The following SRP54 variants were observed in gnomAD, a reference collection of about 807,000 sequenced individuals.
SRP54 encodes the protein signal recognition particle subunit SRP54.
SRP54 carries 10 observed loss-of-function variants against 64.8 expected under a neutral mutation model. That is an observed-to-expected ratio of 0.15 (90% confidence interval 0.10 to 0.26). SRP54 has a LOEUF of 0.26. SRP54 is among the 10% of genes least tolerant of loss of function. SRP54 has a pLI of 1.00. For synonymous variants in SRP54, 193 were observed against 185.6 expected, an observed-to-expected ratio of 1.04 and a Z score of -0.32; for missense variants, 325 against 613.7, an observed-to-expected ratio of 0.53 and a Z score of 4.97.
chr14:35,004,686 A>G (rs914959393), intron 4 of SRP54: 1 of 152,210 alleles, frequency 6.6e-6, no homozygotes, highest in Non-Finnish European at 1.5e-5. Flanking sequence ...ATATGTTCCA[A>G]ATAATGGGTC....
At chr14:35,021,639 A>C (rs2044531861) in intron 13 of SRP54, among the ~76,000 whole-genome samples, 1 of 152,096 alleles carries the variant, frequency 6.6e-6, no homozygotes, top group Non-Finnish European at 1.5e-5. Flanking sequence ...TCTCAAAAAA[A>C]AAAAAGATTT....
intron 10 of SRP54, 43 bp downstream of exon 10, chr14:35,013,945 C>T (rs753446052): frequency 1.8e-5 from 24 of 1,338,494 alleles, no homozygotes; most frequent in Admixed American, 1.1e-4. Flanking sequence ...CCAAGAAATA[C>T]GATGTATCTT....
chr14:35,007,209 A>G, intron 4 of SRP54, 74 bp from the exon 5 acceptor site: 1 of 1,008,350 alleles, frequency 9.9e-7, no homozygotes, highest in South Asian at 1.8e-5. Flanking sequence ...AGGAAAAAAA[A>G]GTTGTGGGGA....
intron 4 of SRP54, among the ~76,000 whole-genome samples, chr14:35,002,508 C>T (rs984959895): frequency 2.6e-5 from 4 of 151,728 alleles, no homozygotes; most frequent in Non-Finnish European, 5.9e-5. Context: ...TCTCTGCTCA[C>T]TGCAACCTCT....
chr14:35,016,840 C>CTTTCTTTTTTTTTT (rs2044447775), intron 11 of SRP54, among the ~76,000 whole-genome samples: 2 of 71,616 alleles, frequency 2.8e-5, no homozygotes, highest in Admixed American at 1.5e-4. Context: ...CCTTTTTTTT[C>CTTTCTTTTTTTTTT]TTTTCTTTTT....
intron 14 of SRP54, among the ~76,000 whole-genome samples, chr14:35,023,385 C>T (rs1164550810): frequency 6.6e-6 from 1 of 151,792 alleles, no homozygotes; most frequent in Non-Finnish European, 1.5e-5. Flanking sequence ...ATTACCTTTA[C>T]TCCCCAGAGA....
At chr14:35,001,237 C>T (rs1476357304) in intron 4 of SRP54, among the ~76,000 whole-genome samples, 9 of 149,052 alleles carry the variant, frequency 6.0e-5, no homozygotes, top group Non-Finnish European at 7.4e-5. Context: ...GTGCAACCTC[C>T]GCCTCCCGGG....
intron 8 of SRP54, among the ~76,000 whole-genome samples, chr14:35,012,313 T>C (rs980075530): frequency 1.3e-5 from 2 of 152,212 alleles, no homozygotes; most frequent in African/African-American, 2.4e-5. Flanking sequence ...TTTTAAATAC[T>C]TTAAAAAATA....
chr14:34,997,219 C>T (rs2044085297), intron 2 of SRP54, among the ~76,000 whole-genome samples: 1 of 152,040 alleles, frequency 6.6e-6, no homozygotes, highest in African/African-American at 2.4e-5. Flanking sequence ...GCATTTCCAT[C>T]TTGTCTGTTT....
chr14:35,004,943 T>G (rs2044233384), intron 4 of SRP54, among the ~76,000 whole-genome samples: 1 of 152,216 alleles, frequency 6.6e-6, no homozygotes. Context: ...GATGTAATTT[T>G]TATGGATGGC....
At chr14:35,001,953 T>G (rs961482714) in intron 4 of SRP54, among the ~76,000 whole-genome samples, 3 of 151,444 alleles carry the variant, frequency 2.0e-5, no homozygotes, top group African/African-American at 7.3e-5. Flanking sequence ...GTAATCACAG[T>G]GCTTTGGGAG....
At chr14:35,025,398 T>C (rs2044605502) in intron 14 of SRP54, among the ~76,000 whole-genome samples, 1 of 152,214 alleles carries the variant, frequency 6.6e-6, no homozygotes, top group Non-Finnish European at 1.5e-5. Context: ...ACAAAAAAAT[T>C]AGACAAACAT....
intron 1 of SRP54, among the ~76,000 whole-genome samples, chr14:34,986,603 G>A (rs1311504631): frequency 6.6e-6 from 1 of 152,178 alleles, no homozygotes; most frequent in Admixed American, 6.5e-5. Flanking sequence ...AAAATTGCTG[G>A]TCGTGGTGGC....
At chr14:35,027,587 C>T (rs1347085966) in intron 14 of SRP54, 5 of 152,282 alleles carry the variant, frequency 3.3e-5, no homozygotes, top group Non-Finnish European at 7.3e-5. Flanking sequence ...GAAACCCTGT[C>T]TCTACTAAAA....
At position 34,984,302 on chromosome 14, in the gene SRP54, A is replaced by G. The variant is rs187779459; in HGVS notation, c.-34+1087A>G. Among the ~76,000 whole-genome samples the G allele has an allele frequency of 3.3e-5, 5 of 152,232 alleles. No homozygotes were observed. In the East Asian group the frequency reaches 7.8e-4, roughly 24 times the overall value. On this transcript the variant is annotated intron_variant, in intron 1 of 15. Transcript: ENST00000216774. ...AAAAATTGATTTTCTCCTATGTGCCATGGAGAAAGGGAAAGGGAATTAGTA... is the reference window on the plus strand; with the variant it reads ...AAAAATTGATTTTCTCCTATGTGCCGTGGAGAAAGGGAAAGGGAATTAGTA...
At position 35,008,781 on chromosome 14, in the gene SRP54, T is replaced by C. The variant is rs1191282697; in HGVS notation, c.435T>C (p.Phe145=). 1.2e-6 allele frequency: 2 copies of C among 1,610,476 alleles called. No individual in the cohort carries two copies. Among genetic ancestry groups the C allele is most frequent in the Non-Finnish European group, 1.7e-6 (2 of 1,179,126 alleles). Residue 145 remains phenylalanine, a synonymous_variant, in exon 7 of 16, where the codon TTT becomes TTC. Transcript: ENST00000216774. ...ICADTFRAGA[F]DQLKQNATKA... ...GAACTCTTTATCTTCCAGGGGCTTT[T>C]GACCAACTAAAACAGAATGCTACCA...
intron 2 of SRP54, 125 bp downstream of exon 2, chr14:34,996,912 C>A: frequency 1.6e-6 from 1 of 632,884 alleles, no homozygotes; most frequent in Non-Finnish European, 2.7e-6. Flanking sequence ...TAGATAAAAG[C>A]CTAAAAGTGG....
Position 35,013,684 on chromosome 14 carries a change from CTT to C in SRP54, c.786-117_786-116del, listed in dbSNP as rs1356352909. 4.0e-5 allele frequency: 45 copies of C among 1,117,348 alleles called. No homozygotes were observed. The East Asian group carries it at 7.5e-4, about 19-fold the overall frequency. The allele number at this position is 1,117,348 out of a possible 1,614,324, so 69.2% of individuals were successfully genotyped here. A position where few individuals can be genotyped will look rare whatever the true frequency, so the allele number is the denominator to read the frequency against. On this transcript the variant is annotated intron_variant, in intron 9 of 15. Coordinates refer to ENST00000216774, the MANE Select transcript of SRP54 (RefSeq NM_003136.4). ...GTCTATTATAACTTGTGAAATGAAA[CTT>C]GAGTTTTGTACCTTTGTCTAATTAG...
chr14:35,019,613 T>G (rs2044494061), intron 13 of SRP54, among the ~76,000 whole-genome samples: 1 of 152,218 alleles, frequency 6.6e-6, no homozygotes, highest in Admixed American at 6.5e-5. Flanking sequence ...AAGCAATGCT[T>G]AGAAAATTCT....
Sources: allele counts gnomAD v4.1 joint callset (sites outside exome capture counted in the v4.1 genomes callset), GRCh38; gene constraint gnomAD v4.1.1; transcripts MANE v1.5; gene names NCBI Gene and HGNC (gene_info 2026-07-23, HGNC 2026-07-21).